Variants in RBMS3 observed in about 807,000 individuals in gnomAD.
The protein encoded by RBMS3 is RNA binding motif single stranded interacting protein 3, also known as RNA-binding motif, single-stranded-interacting protein 3.
A neutral mutation model predicts 66.8 loss-of-function variants in RBMS3; 27 were observed. The ratio of observed to expected loss-of-function variants is 0.40; its 90% confidence interval spans 0.30 to 0.56. The LOEUF is 0.56. RBMS3 is among the 20% of genes least tolerant of loss of function. The pLI, the probability that RBMS3 is intolerant of heterozygous loss-of-function variation, is 0.40. For synonymous variants in RBMS3, 188 were observed against 183.0 expected (o/e 1.03, Z -0.22); for missense variants, 513 against 549.5 (o/e 0.93, Z 0.66).
At chr3:29,307,474 GA>G (rs897521385) in intron 1 of RBMS3, among the ~76,000 whole-genome samples, 3 of 151,860 alleles carry the variant, frequency 2.0e-5, no homozygotes, top group Admixed American at 6.6e-5. Context: ...TGTTTTGAGA[GA>G]GGGGTTTTCT....
intron 1 of RBMS3, among the ~76,000 whole-genome samples, chr3:29,358,450 C>T (rs2125574591): frequency 6.6e-6 from 1 of 152,206 alleles, no homozygotes; most frequent in Non-Finnish European, 1.5e-5. Context: ...TTACTGTAAC[C>T]TCGTAGTATA....
intron 3 of RBMS3, among the ~76,000 whole-genome samples, chr3:29,534,890 G>T (rs376916463): frequency 1.3e-5 from 2 of 151,660 alleles, no homozygotes; most frequent in African/African-American, 4.8e-5. Context: ...TGATGGGAAA[G>T]ATTATTGATT....
intron 2 of RBMS3, among the ~76,000 whole-genome samples, chr3:29,438,863 T>C (rs548130385): frequency 2.2e-4 from 33 of 152,266 alleles, no homozygotes; most frequent in African/African-American, 7.7e-4. Context: ...ATTAAATATA[T>C]GATCTGATAA....
At chr3:29,725,864 C>G (rs1171314002) in intron 4 of RBMS3, among the ~76,000 whole-genome samples, 1 of 152,168 alleles carries the variant, frequency 6.6e-6, no homozygotes, top group South Asian at 2.1e-4. Context: ...CCCTATGAGG[C>G]CAGCATCATC....
intron 1 of RBMS3, among the ~76,000 whole-genome samples, chr3:29,291,517 G>C (rs770686458): frequency 7.2e-5 from 11 of 151,830 alleles, no homozygotes; most frequent in Non-Finnish European, 1.5e-4. Flanking sequence ...TGGTGAAATT[G>C]TTTACTAGAG....
At chr3:29,854,461 T>C (rs868132407) in intron 6 of RBMS3, among the ~76,000 whole-genome samples, 2 of 152,340 alleles carry the variant, frequency 1.3e-5, no homozygotes, top group African/African-American at 4.8e-5. Context: ...AGGTAATTAA[T>C]TCTAGATTTG....
chr3:29,406,485 G>A (rs2125675732), intron 1 of RBMS3, among the ~76,000 whole-genome samples: 1 of 152,254 alleles, frequency 6.6e-6, no homozygotes, highest in East Asian at 1.9e-4. Flanking sequence ...TTCTATGTCT[G>A]GCTGAAAGGT....
intron 3 of RBMS3, among the ~76,000 whole-genome samples, chr3:29,546,551 A>T (rs78604035): frequency 0.015 from 2,353 of 152,328 alleles, 56 homozygotes; most frequent in African/African-American, 0.052. Flanking sequence ...TGGTGTGCTT[A>T]CCTTAAAATA....
At chr3:29,818,917 C>A (rs1428635670) in intron 6 of RBMS3, among the ~76,000 whole-genome samples, 2 of 152,116 alleles carry the variant, frequency 1.3e-5, no homozygotes, top group Non-Finnish European at 2.9e-5. Flanking sequence ...CTAAGTTTTA[C>A]TATGAAAACC....
intron 3 of RBMS3, among the ~76,000 whole-genome samples, chr3:29,528,928 G>C (rs2045244852): frequency 6.6e-6 from 1 of 151,784 alleles, no homozygotes; most frequent in South Asian, 2.1e-4. Context: ...TTTTTTAGTA[G>C]AGATGGGGTT....
At chr3:29,898,913 C>G (rs1306234000) in intron 9 of RBMS3, among the ~76,000 whole-genome samples, 1 of 151,520 alleles carries the variant, frequency 6.6e-6, no homozygotes, top group East Asian at 2.0e-4. Context: ...TTAACTCTAG[C>G]TCCCTTTTCT....
chr3:29,556,121 A>G (rs998889995), intron 3 of RBMS3, among the ~76,000 whole-genome samples: 3 of 104,218 alleles, frequency 2.9e-5, no homozygotes, highest in Non-Finnish European at 6.2e-5. Flanking sequence ...CAGCCACAAT[A>G]AAGTTTAAAA....
chr3:29,725,248 A>T lies in RBMS3; in HGVS notation c.400-14472A>T, dbSNP rs1184208222. 2.0e-5 allele frequency among the ~76,000 whole-genome samples: 3 copies of T among 152,220 alleles called. No homozygotes were observed. In the East Asian group the frequency reaches 5.8e-4, roughly 29 times the overall value. ...TAGCCTAGGCACTCTAAGTAAAATTATTTAACTCATTGTCGAGTCACATTA... is the reference window on the plus strand; with the variant it reads ...TAGCCTAGGCACTCTAAGTAAAATTTTTTAACTCATTGTCGAGTCACATTA... On this transcript the variant is annotated intron_variant, in intron 4 of 14. Transcript: ENST00000383767.
Position 29,399,494 on chromosome 3 carries a change from A to C in RBMS3, c.76-35249A>C, listed in dbSNP as rs546327396. On this transcript the variant is annotated intron_variant, in intron 1 of 14. Transcript: ENST00000383767. ...CTTTTAGAAAAGAAGGCTGAGACAAATACTCTAGGAATGAATTGCTACTGA... is the reference window on the plus strand; with the variant it reads ...CTTTTAGAAAAGAAGGCTGAGACAACTACTCTAGGAATGAATTGCTACTGA... Among the ~76,000 whole-genome samples the C allele has an allele frequency of 2.0e-5, 3 of 152,270 alleles. No homozygotes were observed. The South Asian group carries it at 6.2e-4, about 32-fold the overall frequency.
At chr3:29,615,470 GCACACACA>G (rs112880454) in intron 4 of RBMS3, among the ~76,000 whole-genome samples, 2 of 144,416 alleles carry the variant, frequency 1.4e-5, no homozygotes, top group African/African-American at 2.6e-5. Context: ...ACTACAGTTA[GCACACACA>G]CACACACACA....
Position 30,009,602 on chromosome 3 carries a change from G to C in RBMS3, c.*5740G>C, listed in dbSNP as rs895844241. 1.3e-5 allele frequency: 2 copies of C among 152,076 alleles called. No individual in the cohort carries two copies. Among genetic ancestry groups the C allele is most frequent in the African/African-American group, 2.4e-5 (1 of 41,434 alleles). The allele number at this position is 152,076 out of a possible 1,614,324, so 9.4% of individuals were successfully genotyped here. ...TTGAACCAGTAGCACGGATCAACACGACTTCTGCAATGAGAGTATAACGGT... is the reference window on the plus strand; with the variant it reads ...TTGAACCAGTAGCACGGATCAACACCACTTCTGCAATGAGAGTATAACGGT... On this transcript the variant is annotated 3_prime_UTR_variant, in exon 15 of 15. Transcript: ENST00000383767.
In RBMS3 at chr3:29,853,423, C is replaced by CTTTTTTTTTTTTTTTTTTTTT. The variant is rs71091081; in HGVS notation, c.638-15433_638-15413dup. Among the ~76,000 whole-genome samples, 15 of 84,526 alleles carry CTTTTTTTTTTTTTTTTTTTTT rather than the reference C, an allele frequency of 1.8e-4. 2 individuals are homozygous for CTTTTTTTTTTTTTTTTTTTTT. Among genetic ancestry groups the CTTTTTTTTTTTTTTTTTTTTT allele is most frequent in the African/African-American group, 8.1e-4 (15 of 18,406 alleles). 55.5% of individuals were successfully genotyped at this position (84,526 alleles called of 152,430 possible). A position where few individuals can be genotyped will look rare whatever the true frequency, so the allele number is the denominator to read the frequency against. On this transcript the variant is annotated intron_variant, in intron 6 of 14. Transcript: ENST00000383767. ...TGTATCTTAAGCTACAATTTACTTTCTTTTTTTTTTTTTTTTTTTTTTGCA... is the reference window on the plus strand; with the variant it reads ...TGTATCTTAAGCTACAATTTACTTTCTTTTTTTTTTTTTTTTTTTTTTTTTTTTTTTTTTTTTTTTTTTGCA...
In RBMS3 at chr3:29,352,961, G is replaced by A. The variant is rs796442784; in HGVS notation, c.75+71205G>A. ...TTATGGCTGTACAGTATTTCATTGT[G>A]TATATAGTATTTTATGTTTTTGCTT... On this transcript the variant is annotated intron_variant, in intron 1 of 14. Transcript: ENST00000383767. 4.7e-5 allele frequency among the ~76,000 whole-genome samples: 7 copies of A among 150,512 alleles called. No individual in the cohort carries two copies. In the South Asian group the frequency reaches 1.3e-3, roughly 27 times the overall value.
chr3:29,925,206 A>G (rs974254344), intron 10 of RBMS3: 1 of 152,208 alleles, frequency 6.6e-6, no homozygotes, highest in Non-Finnish European at 1.5e-5. Flanking sequence ...ACAAGCGGGA[A>G]TATTTTGGAA....
Sources: gnomAD v4.1 joint callset for allele counts (sites outside exome capture counted in the v4.1 genomes callset) on GRCh38, gnomAD v4.1.1 for gene constraint, MANE v1.5 for transcripts, NCBI Gene and HGNC (gene_info 2026-07-23, HGNC 2026-07-21) for gene names.